DEFB106A: variants seen among roughly 807,000 people sequenced by gnomAD.
DEFB106A encodes defensin beta 106A, also known as beta-defensin 106.
For missense variants in DEFB106A, 4 were observed against 63.7 expected, an observed-to-expected ratio of 0.06 and a Z score of 3.19; for synonymous variants, 1 against 22.5, an observed-to-expected ratio of 0.04 and a Z score of 2.70.
intron 1 of DEFB106A, among the ~76,000 whole-genome samples, chr8:7,826,296 T>G (rs527753900): frequency 1.3e-5 from 2 of 150,434 alleles, no homozygotes; most frequent in African/African-American, 4.9e-5. Context: ...GGTATCTTTT[T>G]CAGATCACTC....
chr8:7,827,365 T>G (rs531611504), intron 1 of DEFB106A, among the ~76,000 whole-genome samples: 30 of 126,226 alleles, frequency 2.4e-4, no homozygotes, highest in Non-Finnish European at 4.2e-4. Flanking sequence ...GTATAGTGTA[T>G]ATACTAGTAT....
intron 1 of DEFB106A, among the ~76,000 whole-genome samples, chr8:7,828,279 TC>T (rs1817477911): frequency 7.1e-6 from 1 of 141,594 alleles, no homozygotes; most frequent in Non-Finnish European, 1.6e-5. Flanking sequence ...TTTTCCGCAG[TC>T]GTTGCTTTGG....
At chr8:7,827,069 AC>A (rs1254226371) in intron 1 of DEFB106A, among the ~76,000 whole-genome samples, 1 of 128,266 alleles carries the variant, frequency 7.8e-6, no homozygotes, top group Non-Finnish European at 1.7e-5. Context: ...AGTATAGTAT[AC>A]ATACTAGTAT....
intron 1 of DEFB106A, among the ~76,000 whole-genome samples, chr8:7,826,406 T>A (rs1389927680): frequency 6.7e-6 from 1 of 149,134 alleles, no homozygotes; most frequent in African/African-American, 2.4e-5. Flanking sequence ...TTACTATAAT[T>A]ATTATGTAAT....
intron 1 of DEFB106A, among the ~76,000 whole-genome samples, chr8:7,826,650 T>TTA (rs1335709451): frequency 5.1e-5 from 6 of 118,266 alleles, no homozygotes; most frequent in Admixed American, 1.0e-4. Context: ...CTAGTATATA[T>TTA]TATATATATA....
intron 1 of DEFB106A, among the ~76,000 whole-genome samples, chr8:7,827,659 T>C (rs1397267739): frequency 1.5e-5 from 2 of 132,000 alleles, no homozygotes; most frequent in African/African-American, 5.2e-5. Flanking sequence ...TATACTAGTA[T>C]AATACTATAG....
chr8:7,827,754 A>C (rs1459956356), intron 1 of DEFB106A, among the ~76,000 whole-genome samples: 1 of 138,912 alleles, frequency 7.2e-6, no homozygotes, highest in African/African-American at 2.5e-5. Flanking sequence ...TACTAAACCA[A>C]AAAGATTTTA....
chr8:7,826,547 A>T (rs138891227), intron 1 of DEFB106A, among the ~76,000 whole-genome samples: 10 of 148,530 alleles, frequency 6.7e-5, no homozygotes, highest in South Asian at 4.3e-4. Flanking sequence ...TTGGTTTAGT[A>T]TAGTATTATA....
In DEFB106A at chr8:7,825,187, TC is replaced by T. The variant is rs1817377675; in HGVS notation, c.13del (p.Leu5SerfsTer10). 2 of 503,138 alleles carry T rather than the reference TC, an allele frequency of 4.0e-6. No individual in the cohort carries two copies. Among genetic ancestry groups the T allele is most frequent in the Non-Finnish European group, 7.1e-6 (2 of 282,980 alleles). The allele number at this position is 503,138 out of a possible 1,614,324, so 31.2% of individuals were successfully genotyped here. ...AAGACCCACCCAGTCATGAGGACTT[TC>T]CTCTTTCTCTTTGCCGTGCTCTTCT... Reference protein sequence around the residue: MRTFLFLFAVLFFL... With the variant: MRTXLFLFAVLFFL... On this transcript the variant is annotated frameshift_variant, in exon 1 of 2. Transcript: ENST00000335186. LOFTEE classifies it high-confidence loss of function.
At chr8:7,826,349 A>G (rs566505827) in intron 1 of DEFB106A, among the ~76,000 whole-genome samples, 57 of 150,774 alleles carry the variant, frequency 3.8e-4, no homozygotes, top group African/African-American at 1.3e-3. Context: ...GTTATATACT[A>G]TAAAATTATC....
chr8:7,826,667 C>G (rs75039268), intron 1 of DEFB106A, among the ~76,000 whole-genome samples: 1 of 94,484 alleles, frequency 1.1e-5, no homozygotes, highest in Non-Finnish European at 2.2e-5. Context: ...TATATATATA[C>G]ATATTTTTTT....
At chr8:7,826,692 A>T in intron 1 of DEFB106A, among the ~76,000 whole-genome samples, 1 of 113,294 alleles carries the variant, frequency 8.8e-6, no homozygotes, top group East Asian at 2.9e-4. Flanking sequence ...TTTTTGAGAT[A>T]GAGTCTCACT....
chr8:7,827,431 A>G (rs1483061467), intron 1 of DEFB106A, among the ~76,000 whole-genome samples: 4 of 116,050 alleles, frequency 3.4e-5, no homozygotes, highest in East Asian at 2.5e-4. Context: ...AGTATATAGT[A>G]TATATACTAG....
intron 1 of DEFB106A, among the ~76,000 whole-genome samples, chr8:7,827,869 G>C (rs1271131059): frequency 1.4e-5 from 2 of 141,006 alleles, no homozygotes; most frequent in East Asian, 2.1e-4. Flanking sequence ...AGAGTTCATC[G>C]AGCTTTGAAA....
chr8:7,827,367 T>C (rs1208136758), intron 1 of DEFB106A, among the ~76,000 whole-genome samples: 1 of 126,428 alleles, frequency 7.9e-6, no homozygotes, highest in South Asian at 2.8e-4. Context: ...ATAGTGTATA[T>C]ACTAGTATAA....
chr8:7,827,629 C>T (rs1233227149), intron 1 of DEFB106A, among the ~76,000 whole-genome samples: 1 of 127,488 alleles, frequency 7.8e-6, no homozygotes, highest in Non-Finnish European at 1.7e-5. Flanking sequence ...CTATAACACA[C>T]TAGTATATAG....
intron 1 of DEFB106A, among the ~76,000 whole-genome samples, chr8:7,826,376 A>G (rs1267310704): frequency 2.7e-5 from 4 of 150,252 alleles, no homozygotes; most frequent in African/African-American, 7.3e-5. Flanking sequence ...ATAATACTAT[A>G]ATTATAAAAG....
Position 7,826,644 on chromosome 8 carries a change from T to C in DEFB106A, c.49+1419T>C, listed in dbSNP as rs537827070. 1.0e-3 allele frequency among the ~76,000 whole-genome samples: 133 copies of C among 128,276 alleles called. No individual in the cohort carries two copies. In the East Asian group the frequency reaches 0.027, roughly 26 times the overall value. The allele number at this position is 128,276 out of a possible 152,430, so 84.2% of individuals were successfully genotyped here. ...TATATACTATATAGTATTGTACTAG[T>C]ATATATTATATATATATATATACAT... On this transcript the variant is annotated intron_variant, in intron 1 of 1. Transcript: ENST00000335186.
At chr8:7,827,671 A>T (rs1296693243) in intron 1 of DEFB106A, among the ~76,000 whole-genome samples, 1 of 132,966 alleles carries the variant, frequency 7.5e-6, no homozygotes, top group East Asian at 2.2e-4. Context: ...ATACTATAGT[A>T]TACACTATTA....
Sources: allele counts gnomAD v4.1 joint callset (sites outside exome capture counted in the v4.1 genomes callset), GRCh38; gene constraint gnomAD v4.1.1; transcripts MANE v1.5; gene names NCBI Gene and HGNC (gene_info 2026-07-23, HGNC 2026-07-21).